The following CACNA1I variants were observed in gnomAD, a reference collection of about 807,000 sequenced individuals.
CACNA1I encodes the protein voltage-dependent T-type calcium channel subunit alpha-1I.
Under a neutral mutation model 201.6 loss-of-function variants are expected in CACNA1I, and 74 were observed. The observed-to-expected ratio is 0.37, with a 90% CI of 0.30 to 0.45. The LOEUF is 0.45. CACNA1I is among the 20% of genes least tolerant of loss of function. The probability of loss-of-function intolerance (pLI) is 1.00; values close to 1 mark genes in which losing one functional copy is unlikely to be tolerated. For missense variants in CACNA1I, 2,346 were observed against 3,138.1 expected (o/e 0.75, Z 6.03); for synonymous variants, 1,431 against 1,345.2 (o/e 1.06, Z -1.40).
At position 39,649,488 on chromosome 22, in the gene CACNA1I, A is replaced by C; in HGVS notation, c.1568-13A>C. 1.9e-6 allele frequency: 3 copies of C among 1,557,182 alleles called. No homozygotes were observed. Among genetic ancestry groups the C allele is most frequent in the Non-Finnish European group, 2.6e-6 (3 of 1,151,538 alleles). On this transcript the variant is annotated splice_polypyrimidine_tract_variant and intron_variant, in intron 9 of 36. Coordinates refer to ENST00000402142, the MANE Select transcript of CACNA1I (RefSeq NM_021096.4). The surrounding 1 kb of genome is among the most constrained non-coding windows in gnomAD (Gnocchi z 7.3). ...TGGGCAACGACTCTATGCCCCTCTCATTTGCTTTTCAGAGCTGTGCCCGCA... is the reference window on the plus strand; with the variant it reads ...TGGGCAACGACTCTATGCCCCTCTCCTTTGCTTTTCAGAGCTGTGCCCGCA...
At chr22:39,682,014 C>T (rs947755412) in intron 34 of CACNA1I, among the ~76,000 whole-genome samples, 2 of 152,100 alleles carry the variant, frequency 1.3e-5, no homozygotes, top group African/African-American at 2.4e-5. Context: ...CGGGGTGGCA[C>T]GAGTTCATCT....
Position 39,649,404 on chromosome 22 carries a change from T to C in CACNA1I, c.1568-97T>C, listed in dbSNP as rs539054027. On this transcript the variant is annotated intron_variant, in intron 9 of 36. Transcript: ENST00000402142. The surrounding 1 kb of genome is among the most constrained non-coding windows in gnomAD (Gnocchi z 7.3). ...TGGGTCGGCTGGTTCCAGGCAGACC[T>C]GTGGGCCTGGGAGCCAAGCGCACTC... is the stretch of plus-strand genomic sequence containing the variant. The C allele has an allele frequency of 3.9e-6, 5 of 1,282,662 alleles. No homozygotes were observed. The East Asian group carries it at 8.3e-5, about 21-fold the overall frequency. The allele number at this position is 1,282,662 out of a possible 1,614,324, so 79.5% of individuals were successfully genotyped here. A position where few individuals can be genotyped will look rare whatever the true frequency, so the allele number is the denominator to read the frequency against.
intron 3 of CACNA1I, among the ~76,000 whole-genome samples, chr22:39,606,809 G>A (rs1388935997): frequency 6.6e-6 from 1 of 152,274 alleles, no homozygotes; most frequent in Non-Finnish European, 1.5e-5. Context: ...TGGGATTACA[G>A]GCATGAGTCA....
chr22:39,659,030 G>T lies in CACNA1I; in HGVS notation c.2244G>T (p.Leu748=), dbSNP rs1934913573. The change falls in exon 12 of 37, where the codon CTG becomes CTT. Residue 748 remains leucine (L), a synonymous_variant. Coordinates refer to ENST00000402142, the MANE Select transcript of CACNA1I (RefSeq NM_021096.4). This position sits in a 1 kb window ranked among gnomAD's most constrained non-coding sequence, Gnocchi z 4.3. ...VLKLVRFMPA[L]RRQLVVLMKT... is the part of the protein sequence containing the mutation. The stretch of plus-strand genomic sequence containing the variant: ...AACTGGTGCGCTTCATGCCTGCCCT[G>T]CGGCGCCAGCTCGTGGTGCTCATGA... 6.2e-7 allele frequency: 1 copy of T among 1,613,138 alleles called. No homozygotes were observed.
At chr22:39,668,212 T>C (rs1193561604) in intron 23 of CACNA1I, 80 bp from the exon 24 acceptor site, 1 of 815,082 alleles carries the variant, frequency 1.2e-6, no homozygotes, top group Non-Finnish European at 2.1e-6. Flanking sequence ...GGCAGAAGAA[T>C]AGAGAGCTGA....
Position 39,651,353 on chromosome 22 carries a change from G to A in CACNA1I, c.1992+1428G>A, listed in dbSNP as rs1934643823. On this transcript the variant is annotated intron_variant, in intron 10 of 36. Coordinates refer to ENST00000402142, the MANE Select transcript of CACNA1I (RefSeq NM_021096.4). ...CTCTTCGTTAGCTCACCAAGCACAG[G>A]CTCCATTCAATTTACTTAAATGGGG... 1.3e-5 allele frequency among the ~76,000 whole-genome samples: 2 copies of A among 152,206 alleles called. 1 individual carries two copies. Among genetic ancestry groups the A allele is most frequent in the Non-Finnish European group, 2.9e-5 (2 of 68,022 alleles).
At chr22:39,660,092 G>A (rs1230915173) in intron 14 of CACNA1I, among the ~76,000 whole-genome samples, 1 of 152,156 alleles carries the variant, frequency 6.6e-6, no homozygotes, top group African/African-American at 2.4e-5. Flanking sequence ...CCATCTCTGA[G>A]ATTCGAAATC....
At position 39,596,446 on chromosome 22, in the gene CACNA1I, G is replaced by A. The variant is rs140795492; in HGVS notation, c.237-1705G>A. Among the ~76,000 whole-genome samples, 318 of 28,822 alleles carry A rather than the reference G, an allele frequency of 0.011. 48 individuals are homozygous for A. In the East Asian group the frequency reaches 0.17, roughly 15 times the overall value. The allele number at this position is 28,822 out of a possible 152,430, so 18.9% of individuals were successfully genotyped here. On this transcript the variant is annotated intron_variant, in intron 1 of 36. Transcript: ENST00000402142. ...AGGGAGATGGGGGGGCAGGGCGGAG[G>A]GAGATCGGGGGGCAGGGCGGAGAGA...
intron 29 of CACNA1I, 96 bp downstream of exon 29, chr22:39,674,129 T>A: frequency 8.5e-7 from 1 of 1,180,408 alleles, no homozygotes; most frequent in Non-Finnish European, 1.2e-6. Flanking sequence ...TCCTCACATC[T>A]GCCAGAGCCA....
chr22:39,685,975 G>C lies in CACNA1I; in HGVS notation c.6242G>C (p.Arg2081Pro). ...GRGLFSLRGL[R>P]AHQRSHSSGG... The stretch of plus-strand genomic sequence containing the variant: ...GGCCTCTTCAGCCTGCGGGGGCTGC[G>C]GGCGCATCAGCGCAGCCACAGCAGC... Residue 2081 changes from arginine to proline, a missense_variant, in exon 37 of 37, where the codon CGG (arginine) becomes CCG (proline). Coordinates refer to ENST00000402142, the MANE Select transcript of CACNA1I (RefSeq NM_021096.4). The surrounding 1 kb of genome is among the most constrained non-coding windows in gnomAD (Gnocchi z 5.0). 7 of 1,255,822 alleles carry C rather than the reference G, an allele frequency of 5.6e-6. No homozygotes were observed. The highest frequency in any genetic ancestry group is 7.0e-6 in the Non-Finnish European group (7 of 1,007,174). 77.8% of individuals were successfully genotyped at this position (1,255,822 alleles called of 1,614,324 possible). A position where few individuals can be genotyped will look rare whatever the true frequency, so the allele number is the denominator to read the frequency against.
intron 27 of CACNA1I, 46 bp downstream of exon 27, chr22:39,672,354 G>A: frequency 7.8e-7 from 1 of 1,277,048 alleles, no homozygotes; most frequent in Non-Finnish European, 1.1e-6. Context: ...TAGACTGCAG[G>A]ATGAAGAAGC....
intron 5 of CACNA1I, 48 bp downstream of exon 5, chr22:39,634,772 GAC>G (rs780332979): frequency 6.3e-7 from 1 of 1,576,114 alleles, no homozygotes; most frequent in Non-Finnish European, 8.7e-7. Flanking sequence ...CTCTTACTAA[GAC>G]ACAGTTTTAA....
rs533819084 is a variant in CACNA1I at position 39,629,222 on chromosome 22, G to A, written c.581-5343G>A. Among the ~76,000 whole-genome samples the A allele has an allele frequency of 3.2e-4, 49 of 152,128 alleles. 1 individual carries two copies. The South Asian group carries it at 9.4e-3, about 29-fold the overall frequency. ...CCCTGGTGCTCCACATGACGCTCCC[G>A]GGCCAGACTGTTCTCCCCTGAACTC... On this transcript the variant is annotated intron_variant, in intron 4 of 36. Coordinates refer to ENST00000402142, the MANE Select transcript of CACNA1I (RefSeq NM_021096.4). This position sits in a 1 kb window ranked among gnomAD's most constrained non-coding sequence, Gnocchi z 4.8.
chr22:39,626,556 G>A (rs1449462244), intron 4 of CACNA1I, among the ~76,000 whole-genome samples: 1 of 152,142 alleles, frequency 6.6e-6, no homozygotes. Context: ...GGAGAGGGTT[G>A]TTCACATCTT....
chr22:39,574,928 CCTGGTGCTCCCTGACTCAG>C (rs1169743497), intron 1 of CACNA1I, among the ~76,000 whole-genome samples: 2 of 152,232 alleles, frequency 1.3e-5, no homozygotes, highest in Non-Finnish European at 2.9e-5. Context: ...CTCTTTGAAG[CCTGGTGCTCCCTGACTCAG>C]CTCCTCTTCC....
At chr22:39,591,019 T>TTC (rs11407181) in intron 1 of CACNA1I, among the ~76,000 whole-genome samples, 262 of 113,016 alleles carry the variant, frequency 2.3e-3, no homozygotes, top group East Asian at 0.014. Context: ...AATTAAAAAA[T>TTC]TTTTTTTTTT....
In CACNA1I at chr22:39,648,034, C is replaced by G; in HGVS notation, c.1567+108C>G. On this transcript the variant is annotated intron_variant, in intron 9 of 36. Transcript: ENST00000402142. The surrounding 1 kb of genome is among the most constrained non-coding windows in gnomAD (Gnocchi z 5.4). ...GGCATGGGGACGGCGCTTGAGCAGC[C>G]GCGACCCTCTGCAGGCCTGTCTCCC... 2.1e-6 allele frequency: 2 copies of G among 947,752 alleles called. No homozygotes were observed. The allele number at this position is 947,752 out of a possible 1,614,324, so 58.7% of individuals were successfully genotyped here.
intron 24 of CACNA1I, among the ~76,000 whole-genome samples, chr22:39,669,317 C>A (rs136858): frequency 6.6e-6 from 1 of 151,874 alleles, no homozygotes; most frequent in Non-Finnish European, 1.5e-5. Context: ...AACACTTGGA[C>A]GCATCTTTCT....
intron 2 of CACNA1I, 83 bp from the exon 3 acceptor site, chr22:39,600,437 C>T (rs1041846508): frequency 2.5e-6 from 3 of 1,184,452 alleles, no homozygotes; most frequent in African/African-American, 3.1e-5. Flanking sequence ...TGTGGTGTCC[C>T]CACCTCACAC....
Sources: gnomAD v4.1 joint callset for allele counts (sites outside exome capture counted in the v4.1 genomes callset) on GRCh38, gnomAD v4.1.1 for gene constraint, Gnocchi (gnomAD v3.1) non-coding constraint, MANE v1.5 for transcripts, NCBI Gene and HGNC (gene_info 2026-07-23, HGNC 2026-07-21) for gene names.